Variants in PDZRN4 observed in about 807,000 individuals in gnomAD.
PDZRN4 encodes the protein PDZ domain-containing RING finger protein 4.
Under a neutral mutation model 99.0 loss-of-function variants are expected in PDZRN4, and 70 were observed. The observed-to-expected ratio is 0.71, with a 90% CI of 0.58 to 0.86. PDZRN4 has a LOEUF of 0.86. Ranked by LOEUF, PDZRN4 falls within the 40% of genes least tolerant of loss-of-function variation. The pLI is 0.00. For synonymous variants in PDZRN4, 551 were observed against 501.6 expected (o/e 1.10, Z -1.32); for missense variants, 1,474 against 1,331.2 (o/e 1.11, Z -1.67).
chr12:41,239,581 C>A (rs1951090017), intron 3 of PDZRN4, among the ~76,000 whole-genome samples: 1 of 152,170 alleles, frequency 6.6e-6, no homozygotes, highest in African/African-American at 2.4e-5. Context: ...GTGTTCAATT[C>A]ATTTACCAAA....
chr12:41,334,523 T>C (rs1172000544), intron 3 of PDZRN4, among the ~76,000 whole-genome samples: 1 of 152,106 alleles, frequency 6.6e-6, no homozygotes, highest in African/African-American at 2.4e-5. Flanking sequence ...CCAAATCAGC[T>C]TTCCTGCCAG....
At chr12:41,297,293 A>AT (rs574236766) in intron 3 of PDZRN4, among the ~76,000 whole-genome samples, 44 of 152,304 alleles carry the variant, frequency 2.9e-4, no homozygotes, top group African/African-American at 9.6e-4. Flanking sequence ...GGATATTTTA[A>AT]TTTTAAATAG....
At chr12:41,241,681 AT>A (rs543217926) in intron 3 of PDZRN4, among the ~76,000 whole-genome samples, 28 of 151,568 alleles carry the variant, frequency 1.8e-4, no homozygotes, top group Admixed American at 1.1e-3. Context: ...ACACACAGAC[AT>A]TTTTTTTTCC....
chr12:41,309,334 G>C (rs756485111), intron 3 of PDZRN4, among the ~76,000 whole-genome samples: 1 of 152,160 alleles, frequency 6.6e-6, no homozygotes, highest in Non-Finnish European at 1.5e-5. Flanking sequence ...CCAGCATCTT[G>C]TGAGGCTTTC....
intron 3 of PDZRN4, among the ~76,000 whole-genome samples, chr12:41,397,596 A>C (rs1565571821): frequency 1.3e-5 from 2 of 152,166 alleles, no homozygotes; most frequent in Non-Finnish European, 1.5e-5. Flanking sequence ...TGCTGTATTT[A>C]ATTGCTTTTA....
Position 41,188,868 on chromosome 12 carries a change from G to A in PDZRN4, c.413G>A (p.Arg138Lys). The A allele has an allele frequency of 8.6e-7, 1 of 1,163,676 alleles. No homozygotes were observed. The highest frequency in any genetic ancestry group is 4.2e-5 in the South Asian group (1 of 23,882). 72.1% of individuals were successfully genotyped at this position (1,163,676 alleles called of 1,614,324 possible). A position where few individuals can be genotyped will look rare whatever the true frequency, so the allele number is the denominator to read the frequency against. Residue 138 changes from arginine to lysine, a missense_variant, in exon 1 of 10, where the codon AGG (arginine) becomes AAG (lysine). Coordinates refer to ENST00000402685, the MANE Select transcript of PDZRN4 (RefSeq NM_001164595.2). ...PARGGCGPTP[R>K]AGRGGGARGG... ...CGGGGGGGCTGCGGTCCGACACCCA[G>A]GGCTGGCCGGGGCGGGGGCGCGCGC...
chr12:41,448,480 A>G (rs1481894107), intron 3 of PDZRN4, among the ~76,000 whole-genome samples: 2 of 148,442 alleles, frequency 1.3e-5, no homozygotes, highest in African/African-American at 5.0e-5. Flanking sequence ...TTCACAACTT[A>G]AAGTATAGTC....
intron 3 of PDZRN4, among the ~76,000 whole-genome samples, chr12:41,232,911 T>G (rs1427907431): frequency 6.6e-5 from 10 of 152,130 alleles, no homozygotes; most frequent in Admixed American, 6.6e-4. Flanking sequence ...TTCCACACCA[T>G]TTATTAAATA....
intron 3 of PDZRN4, 41 bp from the exon 4 acceptor site, chr12:41,506,415 A>G (rs1018782710): frequency 1.3e-6 from 2 of 1,551,582 alleles, no homozygotes; most frequent in African/African-American, 2.7e-5. Context: ...AGCCTCTCTG[A>G]TCTTTCCTCT....
rs1565559027 is a variant in PDZRN4, at chr12:41,349,851, GT to G, written c.843+155664del. ...GCAGTGGTCATTTCTTCCTGCAGAA[GT>G]CAAAAAGGGCCTCATATAGGGAGTG... On this transcript the variant is annotated intron_variant, in intron 3 of 9. Transcript: ENST00000402685. Among the ~76,000 whole-genome samples, 687 of 151,694 alleles carry G rather than the reference GT, an allele frequency of 4.5e-3. 13 individuals carry two copies. The highest frequency in any genetic ancestry group is 4.0e-3 in the Non-Finnish European group (272 of 67,748).
chr12:41,216,710 T>G (rs1422864259), intron 3 of PDZRN4, among the ~76,000 whole-genome samples: 1 of 152,086 alleles, frequency 6.6e-6, no homozygotes, highest in African/African-American at 2.4e-5. Context: ...CTCTGATCAA[T>G]TCATCTAATT....
At chr12:41,311,203 T>C (rs904299563) in intron 3 of PDZRN4, among the ~76,000 whole-genome samples, 24 of 152,256 alleles carry the variant, frequency 1.6e-4, no homozygotes, top group African/African-American at 5.3e-4. Flanking sequence ...TTTTAATAAA[T>C]TGTTTAAAAA....
At chr12:41,219,018 G>A (rs1367603) in intron 3 of PDZRN4, among the ~76,000 whole-genome samples, 2,982 of 151,672 alleles carry the variant, frequency 0.02, 102 homozygotes, top group African/African-American at 0.067. Context: ...TATCTTACTA[G>A]GAATATTATT....
At chr12:41,497,935 A>G (rs1938037660) in intron 3 of PDZRN4, among the ~76,000 whole-genome samples, 1 of 152,114 alleles carries the variant, frequency 6.6e-6, no homozygotes, top group South Asian at 2.1e-4. Context: ...TGATTACAGC[A>G]TGAATCTATT....
intron 5 of PDZRN4, among the ~76,000 whole-genome samples, chr12:41,537,255 T>C (rs1487180744): frequency 6.6e-6 from 1 of 152,172 alleles, no homozygotes; most frequent in Admixed American, 6.5e-5. Flanking sequence ...AAGAAGACTG[T>C]GGTAAACACG....
intron 3 of PDZRN4, among the ~76,000 whole-genome samples, chr12:41,246,535 A>G (rs927964212): frequency 1.3e-5 from 2 of 152,184 alleles, no homozygotes; most frequent in African/African-American, 2.4e-5. Flanking sequence ...ATTTTGTGAC[A>G]CTATTACTAC....
rs56028929 is a variant in PDZRN4 at position 41,322,126 on chromosome 12, G to A, written c.843+127938G>A. Reference sequence around the variant, plus strand: ...GGCTTACTGCAACCTCTGCCCCCTGGGTTCAAGCTATCCTCCTACCTCAGC... The same window carrying A: ...GGCTTACTGCAACCTCTGCCCCCTGAGTTCAAGCTATCCTCCTACCTCAGC... On this transcript the variant is annotated intron_variant, in intron 3 of 9. Coordinates refer to ENST00000402685, the MANE Select transcript of PDZRN4 (RefSeq NM_001164595.2). Among the ~76,000 whole-genome samples, 1,441 of 152,086 alleles carry A rather than the reference G, an allele frequency of 9.5e-3. 15 individuals carry two copies. The highest frequency in any genetic ancestry group is 0.028 in the African/African-American group (1,179 of 41,472).
chr12:41,228,600 A>T (rs1036595738), intron 3 of PDZRN4, among the ~76,000 whole-genome samples: 1 of 152,142 alleles, frequency 6.6e-6, no homozygotes, highest in African/African-American at 2.4e-5. Context: ...CTTCCTAAAT[A>T]AAAAGGCTAC....
intron 3 of PDZRN4, among the ~76,000 whole-genome samples, chr12:41,469,732 C>T (rs945816140): frequency 3.3e-5 from 5 of 151,980 alleles, no homozygotes; most frequent in Non-Finnish European, 7.4e-5. Flanking sequence ...GAGATCGAGA[C>T]CATCCTGGCT....
Sources: gnomAD v4.1 joint callset for allele counts (sites outside exome capture counted in the v4.1 genomes callset) on GRCh38, gnomAD v4.1.1 for gene constraint, MANE v1.5 for transcripts, NCBI Gene and HGNC (gene_info 2026-07-23, HGNC 2026-07-21) for gene names.